Variants in KANSL1 observed in about 807,000 individuals in gnomAD.
KANSL1 encodes the protein KAT8 regulatory NSL complex subunit 1.
KANSL1 carries 22 observed loss-of-function variants against 103.6 expected under a neutral mutation model. The ratio of observed to expected loss-of-function variants is 0.21; its 90% confidence interval spans 0.15 to 0.30. KANSL1 has a LOEUF of 0.30. Among genes scored for constraint, KANSL1 ranks in the 10% least tolerant of loss-of-function variants. KANSL1 has a pLI of 1.00. For synonymous variants in KANSL1, 600 were observed against 527.6 expected (o/e 1.14, Z -1.88); for missense variants, 1,337 against 1,399.8 (o/e 0.96, Z 0.72).
intron 4 of KANSL1, among the ~76,000 whole-genome samples, chr17:46,077,217 C>G (rs1336054344): frequency 6.6e-6 from 1 of 152,064 alleles, no homozygotes; most frequent in South Asian, 2.1e-4. Flanking sequence ...ACACCAGGCT[C>G]ATTTTTGTAT....
At chr17:46,129,003 T>C (rs1351900995) in intron 2 of KANSL1, among the ~76,000 whole-genome samples, 1 of 152,108 alleles carries the variant, frequency 6.6e-6, no homozygotes, top group Non-Finnish European at 1.5e-5. Context: ...ATGGTAGCAG[T>C]CAAATGAGGA....
intron 6 of KANSL1, among the ~76,000 whole-genome samples, chr17:46,055,776 G>A (rs17653906): frequency 0.14 from 21,772 of 151,696 alleles, 2,117 homozygotes; most frequent in Non-Finnish European, 0.22. Flanking sequence ...ATCTGCCCTC[G>A]GTTAAGAAAC....
intron 2 of KANSL1, among the ~76,000 whole-genome samples, chr17:46,118,061 AC>A (rs2043119340): frequency 6.6e-6 from 1 of 152,012 alleles, no homozygotes; most frequent in African/African-American, 2.4e-5. Context: ...ACTCCCCACT[AC>A]CCCCACCCCA....
At chr17:46,202,988 T>C (rs1361746264) in intron 1 of KANSL1, among the ~76,000 whole-genome samples, 2 of 152,222 alleles carry the variant, frequency 1.3e-5, no homozygotes, top group African/African-American at 4.8e-5. Context: ...TACTAGCACT[T>C]TGGGAGGCCG....
intron 2 of KANSL1, among the ~76,000 whole-genome samples, chr17:46,138,643 C>T (rs1393832830): frequency 3.3e-5 from 5 of 152,210 alleles, no homozygotes; most frequent in Non-Finnish European, 5.9e-5. Context: ...AGAGACTCCA[C>T]CTGTAATGGC....
At chr17:46,068,226 A>G (rs62060800) in intron 4 of KANSL1, among the ~76,000 whole-genome samples, 21,782 of 152,222 alleles carry the variant, frequency 0.14, 2,125 homozygotes, top group Non-Finnish European at 0.22. Flanking sequence ...ACTCTAACAG[A>G]GTATGCTAGA....
intron 2 of KANSL1, among the ~76,000 whole-genome samples, chr17:46,125,179 A>G (rs2043496885): frequency 6.6e-6 from 1 of 152,068 alleles, no homozygotes; most frequent in African/African-American, 2.4e-5. Context: ...GCTAGTCAGC[A>G]GCCATCAACA....
At chr17:46,158,428 T>G (rs193016327) in intron 2 of KANSL1, among the ~76,000 whole-genome samples, 1 of 151,680 alleles carries the variant, frequency 6.6e-6, no homozygotes, top group East Asian at 2.0e-4. Context: ...GCACGATCGA[T>G]CTCGGCTCAC....
At chr17:46,035,173 T>C (rs2077112432) in intron 10 of KANSL1, 1 of 152,278 alleles carries the variant, frequency 6.6e-6, no homozygotes, top group Non-Finnish European at 1.5e-5. Context: ...AAACAGAGAC[T>C]AGCAACTGAG....
At chr17:46,082,280 CTAT>C (rs1261715711) in intron 4 of KANSL1, among the ~76,000 whole-genome samples, 158 bp downstream of exon 4, 1 of 152,136 alleles carries the variant, frequency 6.6e-6, no homozygotes, top group Non-Finnish European at 1.5e-5. Flanking sequence ...CCTAGATTCC[CTAT>C]TCAGGAATTC....
At chr17:46,051,004 GAT>G (rs924849937) in intron 6 of KANSL1, among the ~76,000 whole-genome samples, 5 of 152,286 alleles carry the variant, frequency 3.3e-5, no homozygotes, top group African/African-American at 1.2e-4. Flanking sequence ...AGTTTAAAAA[GAT>G]ACTAAAACTG....
intron 2 of KANSL1, among the ~76,000 whole-genome samples, chr17:46,128,380 T>C (rs939404987): frequency 2.0e-5 from 3 of 152,012 alleles, no homozygotes; most frequent in Non-Finnish European, 4.4e-5. Context: ...GTTACAGCAG[T>C]GAACAAGGCA....
chr17:46,105,906 G>GAGACAGACAC (rs778730504), intron 2 of KANSL1, among the ~76,000 whole-genome samples: 3 of 95,182 alleles, frequency 3.2e-5, no homozygotes, highest in African/African-American at 1.4e-4. Flanking sequence ...GCAAGGCCTT[G>GAGACAGACAC]ACACACACAC....
At chr17:46,211,607 G>C (rs2048172777) in intron 1 of KANSL1, among the ~76,000 whole-genome samples, 1 of 152,172 alleles carries the variant, frequency 6.6e-6, no homozygotes, top group South Asian at 2.1e-4. Context: ...ATCCAGAAAG[G>C]GAAAGCAATG....
At chr17:46,219,477 C>G (rs1411265116) in intron 1 of KANSL1, among the ~76,000 whole-genome samples, 4 of 152,214 alleles carry the variant, frequency 2.6e-5, no homozygotes, top group African/African-American at 9.6e-5. Flanking sequence ...ATCCTCCCAC[C>G]TAGGCCTCTC....
At chr17:46,058,408 T>C (rs1027812508) in intron 6 of KANSL1, among the ~76,000 whole-genome samples, 9 of 152,130 alleles carry the variant, frequency 5.9e-5, no homozygotes, top group Non-Finnish European at 1.0e-4. Flanking sequence ...TCACCTGACC[T>C]AACAAATGAC....
In KANSL1 at chr17:46,039,711, T is replaced by C. The variant is rs1036089094; in HGVS notation, c.2194A>G (p.Thr732Ala). The change falls in exon 8 of 15, where the codon ACA becomes GCA. Residue 732 changes from threonine (T) to alanine (A), a missense_variant. This residue lies in a region of KANSL1 where 780 missense variants were observed against 923.4 expected (regional missense o/e 0.84). Transcript: ENST00000432791. ...GCTCCCTGACACTTACTGGCTGTTG[T>C]TAGGAAGGAGCTGACCAATTTGTGC... ...DRHKLVSSFLTTAKLSHHQTR... is the reference protein window; with the variant it reads ...DRHKLVSSFLATAKLSHHQTR... The C allele has an allele frequency of 2.5e-5, 40 of 1,612,798 alleles. No homozygotes were observed. Among genetic ancestry groups the C allele is most frequent in the Non-Finnish European group, 3.3e-5 (39 of 1,179,400 alleles).
intron 6 of KANSL1, among the ~76,000 whole-genome samples, chr17:46,059,007 A>G (rs1476384790): frequency 6.6e-6 from 1 of 150,598 alleles, no homozygotes; most frequent in Non-Finnish European, 1.5e-5. Flanking sequence ...AGGATGTGCC[A>G]CTGCACTCCA....
chr17:46,213,607 C>T (rs1231977662), intron 1 of KANSL1, among the ~76,000 whole-genome samples: 1 of 151,458 alleles, frequency 6.6e-6, no homozygotes, highest in African/African-American at 2.4e-5. Flanking sequence ...CGTGCCCGGC[C>T]CAAACGTTTT....
Sources: gnomAD v4.1 joint callset for allele counts (sites outside exome capture counted in the v4.1 genomes callset) on GRCh38, gnomAD v4.1.1 for gene constraint, gnomAD v4.1.1 regional missense constraint, MANE v1.5 for transcripts, NCBI Gene and HGNC (gene_info 2026-07-23, HGNC 2026-07-21) for gene names.